Variants in RYR1 observed in about 807,000 individuals in gnomAD.
The protein encoded by RYR1 is central core disease of muscle.
A neutral mutation model predicts 583.5 loss-of-function variants in RYR1; 342 were observed. The observed-to-expected ratio is 0.59, with a 90% confidence interval of 0.54 to 0.64. The LOEUF (loss-of-function observed/expected upper bound fraction) is 0.64, where lower values mean the gene tolerates loss of function less well. Among genes scored for constraint, RYR1 ranks in the 30% least tolerant of loss-of-function variants. RYR1 has a pLI of 0.00. For synonymous variants in RYR1, 2,791 were observed against 2,822.5 expected (o/e 0.99, Z 0.35); for missense variants, 6,032 against 6,917.2 (o/e 0.87, Z 4.54).
In RYR1 at chr19:38,483,587, TG is replaced by T; in HGVS notation, c.4934+72del. The T allele has an allele frequency of 7.4e-7, 1 of 1,354,984 alleles. No homozygotes were observed. Among genetic ancestry groups the T allele is most frequent in the Non-Finnish European group, 1.0e-6 (1 of 984,426 alleles). 83.9% of individuals were successfully genotyped at this position (1,354,984 alleles called of 1,614,324 possible). On this transcript the variant is annotated intron_variant, in intron 33 of 105. Transcript: ENST00000359596. The surrounding 1 kb of genome is among the most constrained non-coding windows in gnomAD (Gnocchi z 6.3). ...CCTCTGGGGTCTGGGTCCCACTCAG[TG>T]CCCCTCCTCAACACAACCCCGGGAT...
chr19:38,493,516 GTTT>G (rs58975597), intron 38 of RYR1, among the ~76,000 whole-genome samples: 3 of 115,730 alleles, frequency 2.6e-5, no homozygotes, highest in African/African-American at 7.8e-5. Context: ...TTTCTTTTTC[GTTT>G]TTTTTTTTTT....
In RYR1 at chr19:38,536,778, C is replaced by T. The variant is rs757289057; in HGVS notation, c.11608+11C>T. On this transcript the variant is annotated intron_variant, in intron 83 of 105. Coordinates refer to ENST00000359596, the MANE Select transcript of RYR1 (RefSeq NM_000540.3). ...TCAATCGCCAGAACGGTAATTCCCC[C>T]AGCCCACCCCCGTGCTGTGCTGCTG... 28 of 1,613,732 alleles carry T rather than the reference C, an allele frequency of 1.7e-5. No individual in the cohort carries two copies. The highest frequency in any genetic ancestry group is 2.1e-5 in the Non-Finnish European group (25 of 1,179,870).
chr19:38,546,947 G>C (rs1282128549), intron 88 of RYR1, among the ~76,000 whole-genome samples: 2 of 149,936 alleles, frequency 1.3e-5, no homozygotes, highest in Non-Finnish European at 3.0e-5. Flanking sequence ...GCAAGACCCT[G>C]TCTCAAAAAA....
intron 12 of RYR1, 58 bp downstream of exon 12, chr19:38,451,943 T>A: frequency 1.1e-5 from 18 of 1,612,190 alleles, no homozygotes; most frequent in Non-Finnish European, 1.5e-5. Flanking sequence ...GCTCCGGGCA[T>A]CCATACACTT....
Position 38,527,783 on chromosome 19 carries a change from A to G in RYR1, c.10823A>G (p.Gln3608Arg). 1 of 1,608,602 alleles carries G rather than the reference A, an allele frequency of 6.2e-7. No homozygotes were observed. Among genetic ancestry groups the G allele is most frequent in the African/African-American group, 1.3e-5 (1 of 74,700 alleles). The change falls in exon 73 of 106, where the codon CAG becomes CGG. Residue 3608 changes from glutamine to arginine, a missense_variant and splice_region_variant. This residue lies in a region of RYR1 where 1,493 missense variants were observed against 1,715.5 expected (regional missense o/e 0.87). Coordinates refer to ENST00000359596, the MANE Select transcript of RYR1 (RefSeq NM_000540.3). The part of the protein sequence containing the change: ...EVSAVLYYLD[Q>R]TEHPYKSKKA... Reference sequence around the variant, plus strand: ...TCAGCCGTGCTCTACTACCTGGACCAGGTGGGTGGGGCCGGAGGGGTCTTT... The same window carrying G: ...TCAGCCGTGCTCTACTACCTGGACCGGGTGGGTGGGGCCGGAGGGGTCTTT...
chr19:38,467,460 A>T (rs537965638), intron 24 of RYR1, 150 bp from the exon 25 acceptor site: 1 of 857,098 alleles, frequency 1.2e-6, no homozygotes, highest in East Asian at 2.5e-5. Context: ...GAGGTTCCCC[A>T]ATTCTCCTCT....
At position 38,444,521 on chromosome 19, in the gene RYR1, G is replaced by C; in HGVS notation, c.538-63G>C. Reference sequence around the variant, plus strand: ...TATCCACCCTTGATTTCTGGCCTCTGACGCTGGGACTCTCGCCCACCCCTG... The same window carrying C: ...TATCCACCCTTGATTTCTGGCCTCTCACGCTGGGACTCTCGCCCACCCCTG... On this transcript the variant is annotated intron_variant, in intron 6 of 105. Transcript: ENST00000359596. The surrounding 1 kb of genome is among the most constrained non-coding windows in gnomAD (Gnocchi z 5.1). 7.0e-7 allele frequency: 1 copy of C among 1,433,758 alleles called. No homozygotes were observed. The highest frequency in any genetic ancestry group is 9.7e-7 in the Non-Finnish European group (1 of 1,028,952). The allele number at this position is 1,433,758 out of a possible 1,614,324, so 88.8% of individuals were successfully genotyped here.
chr19:38,522,567 C>A (rs531153520), intron 67 of RYR1, among the ~76,000 whole-genome samples: 2 of 151,610 alleles, frequency 1.3e-5, no homozygotes, highest in South Asian at 4.2e-4. Context: ...GAGTGGAGAT[C>A]GCATCACTGT....
chr19:38,476,373 G>A (rs535821073), intron 29 of RYR1, among the ~76,000 whole-genome samples: 6 of 152,124 alleles, frequency 3.9e-5, no homozygotes, highest in Admixed American at 6.6e-5. Flanking sequence ...TAATTTTTGT[G>A]TTTTTAGTAG....
intron 29 of RYR1, 75 bp downstream of exon 29, chr19:38,475,525 G>A: frequency 6.3e-7 from 1 of 1,587,464 alleles, no homozygotes; most frequent in Non-Finnish European, 8.6e-7. Context: ...AGTTTAGTGT[G>A]ACAGTCCCCA....
At chr19:38,463,985 A>C (rs1430241523) in intron 22 of RYR1, 135 bp downstream of exon 22, 2 of 746,804 alleles carry the variant, frequency 2.7e-6, no homozygotes, top group Middle Eastern at 7.0e-4. Flanking sequence ...GACATAAACA[A>C]ATGGGGAGTG....
chr19:38,488,554 T>G (rs1600781230), intron 34 of RYR1, among the ~76,000 whole-genome samples: 1 of 152,180 alleles, frequency 6.6e-6, no homozygotes, highest in Non-Finnish European at 1.5e-5. Context: ...CAGGCTGGAG[T>G]GCAGTGGCAT....
chr19:38,446,800 A>G, intron 9 of RYR1, 32 bp downstream of exon 9: 1 of 1,584,866 alleles, frequency 6.3e-7, no homozygotes, highest in Non-Finnish European at 8.7e-7. Flanking sequence ...GAGACCAGGG[A>G]GAGGCTGGGG....
chr19:38,452,665 G>A (rs1164240970), intron 12 of RYR1, among the ~76,000 whole-genome samples, 154 bp from the exon 13 acceptor site: 1 of 152,212 alleles, frequency 6.6e-6, no homozygotes, highest in Non-Finnish European at 1.5e-5. Context: ...GCCATTGTGT[G>A]ACCTCGGACA....
intron 101 of RYR1, among the ~76,000 whole-genome samples, chr19:38,582,008 C>T (rs902051888): frequency 1.3e-5 from 2 of 152,202 alleles, no homozygotes; most frequent in Non-Finnish European, 2.9e-5. Flanking sequence ...ACTCAACCTC[C>T]TCCCTATGCC....
chr19:38,517,526 T>C lies in RYR1; in HGVS notation c.9853T>C (p.Trp3285Arg), dbSNP rs1356452031. 1 of 1,613,904 alleles carries C rather than the reference T, an allele frequency of 6.2e-7. No homozygotes were observed. Among genetic ancestry groups the C allele is most frequent in the South Asian group, 1.1e-5 (1 of 91,076 alleles). ...PMLCSYLPRWWERGPEAPPSA... is the reference protein window; with the variant it reads ...PMLCSYLPRWRERGPEAPPSA... ...GCTATGCAGCTACCTGCCCCGATGG[T>C]GGGAGCGCGGGCCCGAGGCACCCCC... The change falls in exon 66 of 106, where the codon TGG becomes CGG. Residue 3285 changes from tryptophan to arginine, a missense_variant. Coordinates refer to ENST00000359596, the MANE Select transcript of RYR1 (RefSeq NM_000540.3).
chr19:38,550,136 T>C (rs1418923260), intron 89 of RYR1, among the ~76,000 whole-genome samples: 3 of 152,164 alleles, frequency 2.0e-5, no homozygotes, highest in South Asian at 2.1e-4. Flanking sequence ...AGGACAATTA[T>C]GCTAATCAGG....
chr19:38,580,035 C>T lies in RYR1; in HGVS notation c.14418C>T (p.Asn4806=), dbSNP rs751271794. 3.7e-6 allele frequency: 6 copies of T among 1,614,080 alleles called. No individual in the cohort carries two copies. The Admixed American group carries it at 8.3e-5, about 22-fold the overall frequency. The change falls in exon 100 of 106, where the codon AAC becomes AAT. Residue 4806 remains asparagine, a synonymous_variant. Transcript: ENST00000359596. ...YMVMSLLGHY[N]NFFFAAHLLD... Reference sequence around the variant, plus strand: ...TGATGTCCCTCTTGGGACACTACAACAACTTCTTCTTTGCTGCCCATCTCC... The same window carrying T: ...TGATGTCCCTCTTGGGACACTACAATAACTTCTTCTTTGCTGCCCATCTCC...
Position 38,565,366 on chromosome 19 carries a change from G to C in RYR1, c.13032G>C (p.Gly4344=). Residue 4344 remains glycine (G), a synonymous_variant, in exon 91 of 106, where the codon GGG becomes GGC. Transcript: ENST00000359596. The surrounding 1 kb of genome is among the most constrained non-coding windows in gnomAD (Gnocchi z 4.7). The part of the protein sequence containing the change: ...ALLWAAVTRA[G]AAGAGAAAGA... ...TCTGGGCAGCAGTGACGCGCGCTGG[G>C]GCCGCTGGCGCGGGGGCGGCGGCGG... 7.6e-7 allele frequency: 1 copy of C among 1,321,742 alleles called. No individual in the cohort carries two copies. The highest frequency in any genetic ancestry group is 3.2e-5 in the East Asian group (1 of 30,836). The allele number at this position is 1,321,742 out of a possible 1,614,324, so 81.9% of individuals were successfully genotyped here.
Sources: allele counts gnomAD v4.1 joint callset (sites outside exome capture counted in the v4.1 genomes callset), GRCh38; gene constraint gnomAD v4.1.1; regional missense constraint gnomAD v4.1.1; non-coding constraint Gnocchi (gnomAD v3.1); transcripts MANE v1.5; gene names NCBI Gene and HGNC (gene_info 2026-07-23, HGNC 2026-07-21).